Variants in ATP8A2 observed in about 807,000 individuals in gnomAD.
The protein encoded by ATP8A2 is phospholipid-transporting ATPase IB.
In ATP8A2, 100 loss-of-function variants were observed where a neutral mutation model predicts 165.6. The observed-to-expected ratio is 0.60, with a 90% CI of 0.51 to 0.71. ATP8A2 has a LOEUF of 0.71. Ranked by LOEUF, ATP8A2 falls within the 30% of genes least tolerant of loss-of-function variation. The pLI, the probability that ATP8A2 is intolerant of heterozygous loss-of-function variation, is 0.00. For missense variants in ATP8A2, 1,227 were observed against 1,479.5 expected, an observed-to-expected ratio of 0.83 and a Z score of 2.80; for synonymous variants, 543 against 548.8, an observed-to-expected ratio of 0.99 and a Z score of 0.15.
chr13:25,543,320 T>C lies in ATP8A2; in HGVS notation c.809T>C (p.Leu270Ser). 1 of 1,612,228 alleles carries C rather than the reference T, an allele frequency of 6.2e-7. No individual in the cohort carries two copies. Among genetic ancestry groups the C allele is most frequent in the Non-Finnish European group, 8.5e-7 (1 of 1,178,600 alleles). Residue 270 changes from leucine to serine, a missense_variant, in exon 10 of 37, where the codon TTA (leucine) becomes TCA (serine). By Grantham distance (145) the Leu-to-Ser change is moderately radical. This residue lies in a region of ATP8A2 where 356 missense variants were observed against 394.9 expected (regional missense o/e 0.90). Transcript: ENST00000381655. ...SLVALGPDQI[L>S]LRGTQLRNTQ... ...GTTGCCCTTGGGCCTGACCAGATCT[T>C]ATTAAGAGGTACACAGCTTAGAAAT...
chr13:25,919,985 G>A (rs554305511), intron 33 of ATP8A2, among the ~76,000 whole-genome samples: 128 of 152,008 alleles, frequency 8.4e-4, no homozygotes, highest in African/African-American at 2.4e-3. Context: ...CAGGGGTCTC[G>A]CTATGTCGTC....
rs538907421 is a variant in ATP8A2, at chr13:25,569,002, G to A, written c.1474-1765G>A. Reference sequence around the variant, plus strand: ...ATTTGAGGTAGAAGGCTTTATTTGTGTGTGCAATTCTTTATAACTCTTAGA... The same window carrying A: ...ATTTGAGGTAGAAGGCTTTATTTGTATGTGCAATTCTTTATAACTCTTAGA... On this transcript the variant is annotated intron_variant, in intron 16 of 36. Transcript: ENST00000381655. 2.0e-5 allele frequency among the ~76,000 whole-genome samples: 3 copies of A among 152,220 alleles called. No homozygotes were observed. The South Asian group carries it at 6.2e-4, about 32-fold the overall frequency.
chr13:25,735,146 G>A (rs1237456490), intron 25 of ATP8A2, among the ~76,000 whole-genome samples: 1 of 152,202 alleles, frequency 6.6e-6, no homozygotes, highest in African/African-American at 2.4e-5. Flanking sequence ...AAATCTTATT[G>A]CAGGTTGCTG....
At chr13:26,007,153 T>A (rs57304391) in intron 35 of ATP8A2, among the ~76,000 whole-genome samples, 6,548 of 152,194 alleles carry the variant, frequency 0.043, 427 homozygotes, top group African/African-American at 0.14. Flanking sequence ...CCAAACCATA[T>A]ATAGATGATA....
intron 16 of ATP8A2, chr13:25,567,115 G>GA (rs1274423790): frequency 4.4e-5 from 14 of 314,718 alleles, no homozygotes; most frequent in African/African-American, 2.8e-4. Flanking sequence ...GGATTCTAGT[G>GA]TTTGAAAGAT....
At chr13:25,561,686 A>G (rs566641337) in intron 15 of ATP8A2, among the ~76,000 whole-genome samples, 214 of 152,316 alleles carry the variant, frequency 1.4e-3, no homozygotes, top group Non-Finnish European at 2.4e-3. Flanking sequence ...CAGTTGCACT[A>G]AATAGATTCA....
In ATP8A2 at chr13:26,024,928, G is replaced by T. The variant is rs933182697; in HGVS notation, c.*4943G>T. On this transcript the variant is annotated 3_prime_UTR_variant, in exon 37 of 37. Coordinates refer to ENST00000381655, the MANE Select transcript of ATP8A2 (RefSeq NM_016529.6). ...AATAACCCTGCCCAGGAAACTTGGG[G>T]GTCAAGAGAGCTTATCAAGAGCCTT... 1 of 151,994 alleles carries T rather than the reference G, an allele frequency of 6.6e-6. No individual in the cohort carries two copies. The highest frequency in any genetic ancestry group is 1.5e-5 in the Non-Finnish European group (1 of 67,992). The allele number at this position is 151,994 out of a possible 1,614,324, so 9.4% of individuals were successfully genotyped here. A position where few individuals can be genotyped will look rare whatever the true frequency, so the allele number is the denominator to read the frequency against.
rs1316740147 is a variant in ATP8A2 at position 26,012,531 on chromosome 13, G to C, written c.3378G>C (p.Arg1126Ser). The change falls in exon 36 of 37, where the codon AGG becomes AGC. Residue 1126 changes from arginine to serine, a missense_variant and splice_region_variant. Physicochemically the swap from Arg to Ser is moderately radical, Grantham distance 110. This residue lies in a region of ATP8A2 where 260 missense variants were observed against 245.1 expected (regional missense o/e 1.06). Coordinates refer to ENST00000381655, the MANE Select transcript of ATP8A2 (RefSeq NM_016529.6). The part of the protein sequence containing the change: ...KAVLRDSNGK[R>S]LNERDRLIKR... ...ACTGACGCGCTTGCTTTATCCGCAGGCTGAACGAGCGCGACCGCCTGATCA... is the reference window on the plus strand; with the variant it reads ...ACTGACGCGCTTGCTTTATCCGCAGCCTGAACGAGCGCGACCGCCTGATCA... 1.9e-6 allele frequency: 3 copies of C among 1,540,048 alleles called. No homozygotes were observed. In the African/African-American group the frequency reaches 4.2e-5, roughly 21 times the overall value.
chr13:25,948,377 C>T (rs1248815050), intron 33 of ATP8A2, among the ~76,000 whole-genome samples: 1 of 152,134 alleles, frequency 6.6e-6, no homozygotes, highest in Non-Finnish European at 1.5e-5. Context: ...GTGCCAAGCA[C>T]CTTTTATAGT....
intron 33 of ATP8A2, among the ~76,000 whole-genome samples, chr13:25,889,851 T>A (rs1953300716): frequency 1.3e-5 from 2 of 152,126 alleles, no homozygotes; most frequent in African/African-American, 4.8e-5. Flanking sequence ...TTAAATTTTT[T>A]AACACTTTTT....
intron 24 of ATP8A2, among the ~76,000 whole-genome samples, chr13:25,647,036 T>C (rs2041692743): frequency 6.6e-6 from 1 of 152,250 alleles, no homozygotes. Context: ...TTTATGTTTT[T>C]AATGTCAGAA....
chr13:25,459,167 C>T (rs148286749), intron 1 of ATP8A2, among the ~76,000 whole-genome samples: 5 of 152,264 alleles, frequency 3.3e-5, no homozygotes, highest in South Asian at 2.1e-4. Context: ...AGCCAGAGGA[C>T]GATGAAGTGA....
At position 25,610,630 on chromosome 13, in the gene ATP8A2, T is replaced by C. The variant is rs148367176; in HGVS notation, c.2211+20931T>C. Among the ~76,000 whole-genome samples the C allele has an allele frequency of 2.0e-3, 311 of 152,040 alleles. 1 individual carries two copies. Among genetic ancestry groups the C allele is most frequent in the African/African-American group, 7.1e-3 (294 of 41,514 alleles). On this transcript the variant is annotated intron_variant, in intron 24 of 36. Transcript: ENST00000381655. ...TTTGGTTCCATGTGAATTTTAGGAC[T>C]TTTTTTTCTAGTCCTGTAAGGAATG...
chr13:25,781,511 T>G (rs757821040), intron 27 of ATP8A2, among the ~76,000 whole-genome samples: 2 of 152,028 alleles, frequency 1.3e-5, no homozygotes, highest in Non-Finnish European at 2.9e-5. Context: ...TTTTTTGAGA[T>G]GGAGTCTCAC....
chr13:25,848,755 T>C (rs925635052), intron 30 of ATP8A2, among the ~76,000 whole-genome samples: 3 of 152,202 alleles, frequency 2.0e-5, no homozygotes, highest in Non-Finnish European at 4.4e-5. Flanking sequence ...CAACCTCCGA[T>C]ACTTTATACT....
At chr13:25,445,134 T>C (rs2035035283) in intron 1 of ATP8A2, among the ~76,000 whole-genome samples, 1 of 152,232 alleles carries the variant, frequency 6.6e-6, no homozygotes, top group Admixed American at 6.5e-5. Context: ...ACTAATACCT[T>C]TCAATAAGCA....
At chr13:26,002,869 T>C (rs1956662176) in intron 35 of ATP8A2, among the ~76,000 whole-genome samples, 1 of 151,232 alleles carries the variant, frequency 6.6e-6, no homozygotes, top group Non-Finnish European at 1.5e-5. Context: ...TGTGTGTGTG[T>C]GTGTGTGTGT....
intron 25 of ATP8A2, among the ~76,000 whole-genome samples, chr13:25,763,895 T>C (rs1046871691): frequency 1.3e-5 from 2 of 152,218 alleles, no homozygotes; most frequent in Non-Finnish European, 2.9e-5. Context: ...TAAATAGGAT[T>C]GGTTAATTAA....
intron 33 of ATP8A2, among the ~76,000 whole-genome samples, chr13:25,865,777 GCCA>G (rs1218993294): frequency 6.6e-6 from 1 of 152,152 alleles, no homozygotes; most frequent in Non-Finnish European, 1.5e-5. Flanking sequence ...CTGAAAATAC[GCCA>G]CATTTGTGGG....
Sources: allele counts gnomAD v4.1 joint callset (sites outside exome capture counted in the v4.1 genomes callset), GRCh38; gene constraint gnomAD v4.1.1; regional missense constraint gnomAD v4.1.1; transcripts MANE v1.5; gene names NCBI Gene and HGNC (gene_info 2026-07-23, HGNC 2026-07-21).